Variants in CCT6A observed in about 807,000 individuals in gnomAD.
CCT6A encodes the protein T-complex protein 1 subunit zeta.
In CCT6A, 6 loss-of-function variants were observed where a neutral mutation model predicts 58.6. The observed-to-expected ratio is 0.10, with a 90% CI of 0.06 to 0.20. The LOEUF is 0.20. Among genes scored for constraint, CCT6A ranks in the 10% least tolerant of loss-of-function variants. CCT6A has a pLI of 1.00. For missense variants in CCT6A, 516 were observed against 648.8 expected (o/e 0.80, Z 2.22); for synonymous variants, 245 against 227.8 (o/e 1.08, Z -0.68).
At chr7:56,059,293 G>A (rs139118066) in intron 8 of CCT6A, among the ~76,000 whole-genome samples, 145 of 152,284 alleles carry the variant, frequency 9.5e-4, no homozygotes, top group Middle Eastern at 6.8e-3. Flanking sequence ...GAGCCACCAT[G>A]CCTGGCTAAT....
chr7:56,063,187 T>C lies in CCT6A; in HGVS notation c.*102T>C, dbSNP rs561496586. On this transcript the variant is annotated 3_prime_UTR_variant, in exon 14 of 14. Coordinates refer to ENST00000275603, the MANE Select transcript of CCT6A (RefSeq NM_001762.4). ...AAGCTTCAAATAATTTTGAAAGAAATTTTCCCATATGAAAAAAGGAGAGAA... is the reference window on the plus strand; with the variant it reads ...AAGCTTCAAATAATTTTGAAAGAAACTTTCCCATATGAAAAAAGGAGAGAA... The C allele has an allele frequency of 3.7e-4, 304 of 830,196 alleles. No individual in the cohort carries two copies. The highest frequency in any genetic ancestry group is 1.1e-3 in the South Asian group (78 of 69,650). 51.4% of individuals were successfully genotyped at this position (830,196 alleles called of 1,614,324 possible). A position where few individuals can be genotyped will look rare whatever the true frequency, so the allele number is the denominator to read the frequency against.
Position 56,060,872 on chromosome 7 carries a change from C to T in CCT6A, c.1279C>T (p.Pro427Ser), listed in dbSNP as rs756641511. 16 of 1,613,764 alleles carry T rather than the reference C, an allele frequency of 9.9e-6. No individual in the cohort carries two copies. The highest frequency in any genetic ancestry group is 1.4e-5 in the Non-Finnish European group (16 of 1,179,960). Residue 427 changes from proline to serine, a missense_variant, in exon 11 of 14, where the codon CCC (proline) becomes TCC (serine). This residue lies in a region of CCT6A where 315 missense variants were observed against 389.4 expected (regional missense o/e 0.81). Transcript: ENST00000275603. Reference sequence around the variant, plus strand: ...GGCAGAAGCCCTGATTAAACATAAGCCCAGTGTAAAGGGCAGGGCACAGCT... The same window carrying T: ...GGCAGAAGCCCTGATTAAACATAAGTCCAGTGTAAAGGGCAGGGCACAGCT... ...AMAEALIKHKPSVKGRAQLGV... is the reference protein window; with the variant it reads ...AMAEALIKHKSSVKGRAQLGV...
chr7:56,060,700 T>G, intron 10 of CCT6A, 107 bp from the exon 11 acceptor site: 1 of 1,386,016 alleles, frequency 7.2e-7, no homozygotes. Context: ...ACTTGTATTT[T>G]GTCATAGTAA....
chr7:56,057,888 AAAAATGTGACTGCGTG>A, intron 5 of CCT6A, 89 bp from the exon 6 acceptor site: 1 of 697,822 alleles, frequency 1.4e-6, no homozygotes, highest in South Asian at 1.7e-5. Flanking sequence ...CTCAAAAAAG[AAAAATGTGACTGCGTG>A]AAATATCAAT....
chr7:56,061,928 T>G (rs1290651413), intron 12 of CCT6A, 79 bp downstream of exon 12: 6 of 798,112 alleles, frequency 7.5e-6, no homozygotes, highest in African/African-American at 1.9e-5. Context: ...TAAAAATGTT[T>G]TGCTTTGCAA....
intron 11 of CCT6A, 69 bp from the exon 12 acceptor site, chr7:56,061,650 ATTTTCTTTTTCTTTTTTCTTTTTTTTTT>A (rs1241999794): frequency 1.4e-6 from 1 of 689,762 alleles, no homozygotes; most frequent in Non-Finnish European, 2.3e-6. Flanking sequence ...CCAGGCCGAG[ATTTTCTTTTTCTTTTTTCTTTTTTTTTT>A]TTTTTTTTTT....
chr7:56,052,292 T>C (rs1197737958), intron 1 of CCT6A, 130 bp from the exon 2 acceptor site: 15 of 806,244 alleles, frequency 1.9e-5, no homozygotes, highest in African/African-American at 3.4e-5. Flanking sequence ...ACACCTGTCC[T>C]CCATCCTGCT....
intron 8 of CCT6A, chr7:56,059,020 T>A (rs766334): frequency 0.21 from 36,089 of 173,822 alleles, 4,088 homozygotes; most frequent in East Asian, 0.36. Context: ...TTAAAAATTT[T>A]TTATTATTAT....
In CCT6A at chr7:56,063,942, A is replaced by C; in HGVS notation, c.*857A>C. The C allele has an allele frequency of 2.6e-6, 1 of 380,194 alleles. No homozygotes were observed. Among genetic ancestry groups the C allele is most frequent in the Non-Finnish European group, 4.7e-6 (1 of 211,496 alleles). 23.6% of individuals were successfully genotyped at this position (380,194 alleles called of 1,614,324 possible). ...TTACTAGGCTGTGTTTTGGGATGTC[A>C]GCAGTGGCCTGAAGTGAGTTGTGCA... On this transcript the variant is annotated 3_prime_UTR_variant, in exon 14 of 14. Coordinates refer to ENST00000275603, the MANE Select transcript of CCT6A (RefSeq NM_001762.4).
At chr7:56,059,345 G>A (rs1021747427) in intron 8 of CCT6A, among the ~76,000 whole-genome samples, 199 bp from the exon 9 acceptor site, 2 of 152,156 alleles carry the variant, frequency 1.3e-5, no homozygotes, top group African/African-American at 4.8e-5. Context: ...TTGCTAACTT[G>A]GGGAGAGTGG....
rs371682298 is a variant in CCT6A, at chr7:56,062,688, C to A, written c.1456C>A (p.Pro486Thr). The change falls in exon 13 of 14, where the codon CCA becomes ACA. Residue 486 changes from proline (P) to threonine (T), a missense_variant. Pro to Thr is a conservative substitution (Grantham distance 38). Around this residue, in one of 3 missense-constraint regions of CCT6A, gnomAD observed 315 missense variants for 389.4 expected, o/e 0.81. Transcript: ENST00000275603. Reference sequence around the variant, plus strand: ...AAGATTTGGTTGCCTTTTAGGTGAGCCAATGGTGGCAGCAGAAGTAGGCGT... The same window carrying A: ...AAGATTTGGTTGCCTTTTAGGTGAGACAATGGTGGCAGCAGAAGTAGGCGT... Reference protein sequence around the residue: ...LVGVDLNTGEPMVAAEVGVWD... With the variant: ...LVGVDLNTGETMVAAEVGVWD... The A allele has an allele frequency of 1.9e-6, 3 of 1,613,498 alleles. No homozygotes were observed. Among genetic ancestry groups the A allele is most frequent in the Non-Finnish European group, 2.5e-6 (3 of 1,179,630 alleles).
rs777162729 is a variant in CCT6A, at chr7:56,063,114, G to A, written c.*29G>A. ...GAAGCTTCCTCTGTATCTGAATCTT[G>A]AAGACTGCAAAGTGATCCTGAGGAT... On this transcript the variant is annotated 3_prime_UTR_variant, in exon 14 of 14. Coordinates refer to ENST00000275603, the MANE Select transcript of CCT6A (RefSeq NM_001762.4). 1 of 1,436,030 alleles carries A rather than the reference G, an allele frequency of 7.0e-7. No individual in the cohort carries two copies. Among genetic ancestry groups the A allele is most frequent in the Non-Finnish European group, 9.8e-7 (1 of 1,017,376 alleles). 89.0% of individuals were successfully genotyped at this position (1,436,030 alleles called of 1,614,324 possible). A position where few individuals can be genotyped will look rare whatever the true frequency, so the allele number is the denominator to read the frequency against.
At chr7:56,055,981 G>A (rs1393633193) in intron 4 of CCT6A, 184 bp downstream of exon 4, 13 of 538,120 alleles carry the variant, frequency 2.4e-5, no homozygotes, top group Non-Finnish European at 4.2e-5. Context: ...TACCTAACCA[G>A]GTTATAAAAG....
chr7:56,051,842 A>T lies in CCT6A; in HGVS notation c.-7A>T. 2 of 1,557,142 alleles carry T rather than the reference A, an allele frequency of 1.3e-6. No individual in the cohort carries two copies. The highest frequency in any genetic ancestry group is 1.7e-6 in the Non-Finnish European group (2 of 1,151,230). On this transcript the variant is annotated 5_prime_UTR_variant, in exon 1 of 14. Transcript: ENST00000275603. ...GCATCGTTTCCTTTTCCTCCGCTGG[A>T]GCAGCTATGGCGGCGGTGAAGACCC...
At chr7:56,053,546 G>A (rs1441135916) in intron 2 of CCT6A, among the ~76,000 whole-genome samples, 2 of 152,052 alleles carry the variant, frequency 1.3e-5, no homozygotes, top group African/African-American at 2.4e-5. Flanking sequence ...GAGGCCAGGA[G>A]TTCACGACCA....
chr7:56,052,129 C>T (rs551578250), intron 1 of CCT6A, 144 bp downstream of exon 1: 12 of 742,222 alleles, frequency 1.6e-5, no homozygotes, highest in Middle Eastern at 4.0e-4. Context: ...TCCTGTGTCC[C>T]TCCTAAGCCC....
At chr7:56,059,670 G>T in intron 9 of CCT6A, 30 bp downstream of exon 9, 2 of 1,042,512 alleles carry the variant, frequency 1.9e-6, no homozygotes, top group Non-Finnish European at 3.0e-6. Context: ...AAAGGTAATA[G>T]AACCTTTTAG....
At chr7:56,062,776 AC>A in intron 13 of CCT6A, 21 bp downstream of exon 13, 2 of 1,574,520 alleles carry the variant, frequency 1.3e-6, no homozygotes, top group Non-Finnish European at 8.7e-7. Context: ...GAAAATGAAA[AC>A]TAAACTGTTA....
Position 56,060,838 on chromosome 7 carries a change from A to C in CCT6A, c.1245A>C (p.Glu415Asp). The change falls in exon 11 of 14, where the codon GAA becomes GAC. Residue 415 changes from glutamate to aspartate, a missense_variant. Around this residue, in one of 3 missense-constraint regions of CCT6A, gnomAD observed 315 missense variants for 389.4 expected, o/e 0.81. Coordinates refer to ENST00000275603, the MANE Select transcript of CCT6A (RefSeq NM_001762.4). ...GCVVPGAGAV[E>D]VAMAEALIKH... ...TGGTTCCAGGTGCTGGTGCCGTGGA[A>C]GTGGCAATGGCAGAAGCCCTGATTA... 6.2e-7 allele frequency: 1 copy of C among 1,612,788 alleles called. No individual in the cohort carries two copies. Among genetic ancestry groups the C allele is most frequent in the East Asian group, 2.2e-5 (1 of 44,876 alleles).
Sources: allele counts gnomAD v4.1 joint callset (sites outside exome capture counted in the v4.1 genomes callset), GRCh38; gene constraint gnomAD v4.1.1; regional missense constraint gnomAD v4.1.1; transcripts MANE v1.5; gene names NCBI Gene and HGNC (gene_info 2026-07-23, HGNC 2026-07-21).